Variants in HDAC9 observed in about 807,000 individuals in gnomAD.
The protein encoded by HDAC9 is histone deacetylase 9.
HDAC9 carries 41 observed loss-of-function variants against 139.4 expected under a neutral mutation model. The ratio of observed to expected loss-of-function variants is 0.29; its 90% CI spans 0.23 to 0.38. The LOEUF (loss-of-function observed/expected upper bound fraction) is 0.38, where lower values mean the gene tolerates loss of function less well. Among genes scored for constraint, HDAC9 ranks in the 10% least tolerant of loss-of-function variants. The pLI is 1.00. For missense variants in HDAC9, 1,147 were observed against 1,297.0 expected, an observed-to-expected ratio of 0.88 and a Z score of 1.78; for synonymous variants, 517 against 476.2, an observed-to-expected ratio of 1.09 and a Z score of -1.12.
rs886879723 is a variant in HDAC9, at chr7:18,998,980, C to T, written c.*2918C>T. On this transcript the variant is annotated 3_prime_UTR_variant, in exon 26 of 26. Transcript: ENST00000686413. ...ACAGACAGTTTTATTAAATAGTAAC[C>T]AAAATGGACTCAAATAAAACCAGAG... 3.2e-4 allele frequency: 49 copies of T among 151,980 alleles called. No homozygotes were observed. Among genetic ancestry groups the T allele is most frequent in the African/African-American group, 1.1e-3 (46 of 41,372 alleles). 9.4% of individuals were successfully genotyped at this position (151,980 alleles called of 1,614,324 possible). A position where few individuals can be genotyped will look rare whatever the true frequency, so the allele number is the denominator to read the frequency against.
intron 22 of HDAC9, among the ~76,000 whole-genome samples, chr7:18,902,689 T>C (rs1010413225): frequency 1.3e-5 from 2 of 152,194 alleles, no homozygotes; most frequent in African/African-American, 4.8e-5. Flanking sequence ...CCTCAGGATA[T>C]CTTGTTGGAT....
At chr7:18,964,359 CA>C (rs1407462807) in intron 24 of HDAC9, among the ~76,000 whole-genome samples, 2 of 152,086 alleles carry the variant, frequency 1.3e-5, no homozygotes, top group East Asian at 3.9e-4. Context: ...CAGTTAAGAT[CA>C]GATTTTTTTT....
At chr7:18,115,257 C>G (rs1783900339) in intron 1 of HDAC9, among the ~76,000 whole-genome samples, 2 of 149,940 alleles carry the variant, frequency 1.3e-5, no homozygotes. Context: ...TGTGCCACTG[C>G]ACTCCAGCCT....
At position 18,272,745 on chromosome 7, in the gene HDAC9, G is replaced by A. The variant is rs144110827; in HGVS notation, c.25+110396G>A. Among the ~76,000 whole-genome samples the A allele has an allele frequency of 1.2e-4, 18 of 152,086 alleles. No homozygotes were observed. The East Asian group carries it at 3.5e-3, about 29-fold the overall frequency. On this transcript the variant is annotated intron_variant, in intron 2 of 12. Transcript: ENST00000417496. ...AATTTGCTAATTCTTTTCAAATTGA[G>A]GTATGGGTTCAGTAAAATTCTAATC...
At chr7:18,369,017 G>GCCA (rs749058011) in intron 1 of HDAC9, among the ~76,000 whole-genome samples, 18 of 151,932 alleles carry the variant, frequency 1.2e-4, no homozygotes, top group Non-Finnish European at 2.5e-4. Context: ...ATACCACCTG[G>GCCA]CCAAGTGCTT....
At chr7:18,795,732 TG>T (rs1472360334) in intron 17 of HDAC9, among the ~76,000 whole-genome samples, 1 of 152,162 alleles carries the variant, frequency 6.6e-6, no homozygotes, top group Non-Finnish European at 1.5e-5. Context: ...AACTCACAAA[TG>T]ATTTGGAGCC....
At chr7:18,752,000 A>G (rs1254700743) in intron 14 of HDAC9, among the ~76,000 whole-genome samples, 1 of 152,114 alleles carries the variant, frequency 6.6e-6, no homozygotes. Context: ...TGTTCCTTGT[A>G]GATTTCTTCT....
chr7:18,841,152 A>C (rs1796558137), intron 21 of HDAC9, among the ~76,000 whole-genome samples: 1 of 152,036 alleles, frequency 6.6e-6, no homozygotes, highest in African/African-American at 2.4e-5. Flanking sequence ...TATTCTGGCT[A>C]ATTCTTAGAA....
chr7:18,310,994 A>C (rs1799279846), intron 1 of HDAC9, among the ~76,000 whole-genome samples: 1 of 152,094 alleles, frequency 6.6e-6, no homozygotes. Flanking sequence ...TTTTAATATC[A>C]TTAATTAAAT....
At chr7:18,949,702 T>G (rs79209849) in intron 23 of HDAC9, 7,431 of 152,598 alleles carry the variant, frequency 0.049, 228 homozygotes, top group Middle Eastern at 0.088. Flanking sequence ...TAGTTCACAA[T>G]TAAAAAGTTA....
chr7:18,474,968 T>A lies in HDAC9; in HGVS notation c.-41-21294T>A, dbSNP rs552379845. Among the ~76,000 whole-genome samples the A allele has an allele frequency of 2.2e-3, 332 of 152,306 alleles. 2 individuals are homozygous for A. The highest frequency in any genetic ancestry group is 7.5e-3 in the African/African-American group (312 of 41,580). On this transcript the variant is annotated intron_variant, in intron 1 of 3. Coordinates refer to the HDAC9 transcript ENST00000413509. ...TGCTGATGTCACTTATTGGGAAGCA[T>A]AAAATGTAATTGAAAGATAGTCACA... is the stretch of plus-strand genomic sequence containing the variant.
In HDAC9 at chr7:18,874,964, A is replaced by G. The variant is rs550191184; in HGVS notation, c.2803+368A>G. On this transcript the variant is annotated intron_variant, in intron 22 of 25. Transcript: ENST00000686413. Reference sequence around the variant, plus strand: ...CTTTTCCAGGGAGAATGGAAGTTCCATTGTACATGGGATAAAAATAACTAT... The same window carrying G: ...CTTTTCCAGGGAGAATGGAAGTTCCGTTGTACATGGGATAAAAATAACTAT... Among the ~76,000 whole-genome samples, 9 of 152,296 alleles carry G rather than the reference A, an allele frequency of 5.9e-5. No homozygotes were observed. In the South Asian group the frequency reaches 1.7e-3, roughly 28 times the overall value.
intron 17 of HDAC9, among the ~76,000 whole-genome samples, chr7:18,794,160 C>T (rs1204519481): frequency 6.6e-6 from 1 of 152,134 alleles, no homozygotes; most frequent in Non-Finnish European, 1.5e-5. Flanking sequence ...TGCAGTTACC[C>T]CAATAAACTT....
At chr7:18,446,271 G>A (rs2128098319) in intron 1 of HDAC9, among the ~76,000 whole-genome samples, 1 of 152,334 alleles carries the variant, frequency 6.6e-6, no homozygotes, top group Non-Finnish European at 1.5e-5. Context: ...GTCATATTCA[G>A]ATATTATATT....
intron 16 of HDAC9, among the ~76,000 whole-genome samples, chr7:18,775,159 C>T (rs1790651422): frequency 2.0e-5 from 3 of 151,566 alleles, no homozygotes; most frequent in Non-Finnish European, 1.5e-5. Flanking sequence ...TCATGGTGCC[C>T]CAAAACAATT....
At chr7:18,670,353 C>T (rs1795597042) in intron 12 of HDAC9, among the ~76,000 whole-genome samples, 1 of 151,992 alleles carries the variant, frequency 6.6e-6, no homozygotes. Context: ...GTCATGCCAA[C>T]AACATATCTA....
At chr7:18,932,594 C>G (rs1804841536) in intron 22 of HDAC9, among the ~76,000 whole-genome samples, 1 of 151,718 alleles carries the variant, frequency 6.6e-6, no homozygotes. Flanking sequence ...AGGCTTGGGC[C>G]TAAGAAGGGG....
At chr7:18,826,895 T>C (rs1795487061) in intron 17 of HDAC9, among the ~76,000 whole-genome samples, 1 of 151,782 alleles carries the variant, frequency 6.6e-6, no homozygotes, top group Non-Finnish European at 1.5e-5. Context: ...CTCTCAATAT[T>C]ATCTGTTATA....
At chr7:18,909,462 G>A (rs1302259042) in intron 22 of HDAC9, among the ~76,000 whole-genome samples, 2 of 151,766 alleles carry the variant, frequency 1.3e-5, no homozygotes, top group African/African-American at 4.8e-5. Context: ...TAAAGTTCTT[G>A]CCCAGCTGAA....
Sources: gnomAD v4.1 joint callset for allele counts (sites outside exome capture counted in the v4.1 genomes callset) on GRCh38, gnomAD v4.1.1 for gene constraint, MANE v1.5 for transcripts, NCBI Gene and HGNC (gene_info 2026-07-23, HGNC 2026-07-21) for gene names.